Variants in PALB2 observed in about 807,000 individuals in gnomAD.
PALB2 encodes partner and localizer of BRCA2.
PALB2 carries 82 observed loss-of-function variants against 107.4 expected under a neutral mutation model. The observed-to-expected ratio is 0.76, with a 90% CI of 0.64 to 0.92. The LOEUF is 0.92. PALB2 is among the 40% of genes least tolerant of loss of function. The probability of loss-of-function intolerance (pLI) is 0.00; values close to 1 mark genes in which losing one functional copy is unlikely to be tolerated. For synonymous variants in PALB2, 489 were observed against 496.8 expected (o/e 0.98, Z 0.21); for missense variants, 1,374 against 1,379.9 (o/e 1.00, Z 0.07).
chr16:23,629,824 T>G lies in PALB2; in HGVS notation c.2330A>C (p.Asp777Ala), dbSNP rs2142375450. ...TGGTTTTGCTGGGCTGCCTGAACTGTCGAATTGTTTAGTATCACTGGCAAG... is the reference window on the plus strand; with the variant it reads ...TGGTTTTGCTGGGCTGCCTGAACTGGCGAATTGTTTAGTATCACTGGCAAG... ...VCLASDTKQF[D>A]SSGSPAKPHT... Residue 777 changes from aspartate (D) to alanine (A), a missense_variant, in exon 5 of 13, where the codon GAC becomes GCC. Transcript: ENST00000261584. 1 of 1,614,178 alleles carries G rather than the reference T, an allele frequency of 6.2e-7. No homozygotes were observed. The highest frequency in any genetic ancestry group is 1.7e-5 in the Admixed American group (1 of 60,016).
rs1967243145 is a variant in PALB2, at chr16:23,641,260, G to A, written c.-103C>T. ...CCGGGGAGGCGCCCCAGGAAGGAATGGGGAGCCCGGGATCGCACCCTCAGT... is the reference window on the plus strand; with the variant it reads ...CCGGGGAGGCGCCCCAGGAAGGAATAGGGAGCCCGGGATCGCACCCTCAGT... On this transcript the variant is annotated 5_prime_UTR_variant, in exon 1 of 13. Transcript: ENST00000261584. 2.1e-6 allele frequency: 3 copies of A among 1,449,838 alleles called. No individual in the cohort carries two copies. The highest frequency in any genetic ancestry group is 4.0e-5 in the Admixed American group (2 of 50,624). The allele number at this position is 1,449,838 out of a possible 1,614,324, so 89.8% of individuals were successfully genotyped here.
rs1555460637 is a variant in PALB2 at position 23,630,343 on chromosome 16, A to G, written c.1811T>C (p.Leu604Pro). The G allele has an allele frequency of 6.2e-7, 1 of 1,614,206 alleles. No individual in the cohort carries two copies. The highest frequency in any genetic ancestry group is 1.1e-5 in the South Asian group (1 of 91,068). Residue 604 changes from leucine (L) to proline (P), a missense_variant, in exon 5 of 13, where the codon CTG (leucine) becomes CCG (proline). By Grantham distance (98) the Leu-to-Pro change is moderately conservative. Coordinates refer to ENST00000261584, the MANE Select transcript of PALB2 (RefSeq NM_024675.4). ...AAAGTCTGTGATACTGAGAAAAGAC[A>G]GTAGTTGCTTTAAACTCAGCATTCC... ...RDGMLSLKQLLSFLSITDFQL... is the reference protein window; with the variant it reads ...RDGMLSLKQLPSFLSITDFQL...
rs45476495 is a variant in PALB2, at chr16:23,626,310, C to T, written c.2674G>A (p.Glu892Lys). The change falls in exon 7 of 13, where the codon GAA becomes AAA. Residue 892 changes from glutamate to lysine, a missense_variant. Glu to Lys is a moderately conservative substitution (Grantham distance 56). Coordinates refer to ENST00000261584, the MANE Select transcript of PALB2 (RefSeq NM_024675.4). ...GCTTTCCAAAGAGAAACTACATCTTCGCAAGCAGTTATGATACATGGCTCT... is the reference window on the plus strand; with the variant it reads ...GCTTTCCAAAGAGAAACTACATCTTTGCAAGCAGTTATGATACATGGCTCT... ...CKEPCIITAC[E>K]DVVSLWKALD... 203 of 1,614,160 alleles carry T rather than the reference C, an allele frequency of 1.3e-4. No homozygotes were observed. Among genetic ancestry groups the T allele is most frequent in the Non-Finnish European group, 1.7e-4 (195 of 1,180,022 alleles).
intron 6 of PALB2, among the ~76,000 whole-genome samples, chr16:23,626,653 A>G (rs1323630461): frequency 6.6e-6 from 1 of 151,924 alleles, no homozygotes; most frequent in East Asian, 1.9e-4. Flanking sequence ...ACTGAGTCTC[A>G]CTTTATCACC....
At chr16:23,636,403 A>T in intron 3 of PALB2, 69 bp from the exon 4 acceptor site, 1 of 1,023,360 alleles carries the variant, frequency 9.8e-7, no homozygotes, top group Non-Finnish European at 1.4e-6. Context: ...ACTCATTTTT[A>T]ACCTATTATA....
chr16:23,641,249 C>T lies in PALB2; in HGVS notation c.-92G>A. The T allele has an allele frequency of 6.6e-7, 1 of 1,518,956 alleles. No individual in the cohort carries two copies. Among genetic ancestry groups the T allele is most frequent in the Non-Finnish European group, 9.0e-7 (1 of 1,114,574 alleles). 94.1% of individuals were successfully genotyped at this position (1,518,956 alleles called of 1,614,324 possible). On this transcript the variant is annotated 5_prime_UTR_variant, in exon 1 of 13. Coordinates refer to ENST00000261584, the MANE Select transcript of PALB2 (RefSeq NM_024675.4). ...TTGGCCCTGGGCCGGGGAGGCGCCC[C>T]AGGAAGGAATGGGGAGCCCGGGATC...
At chr16:23,610,313 T>C (rs1645879) in intron 11 of PALB2, among the ~76,000 whole-genome samples, 1 of 149,326 alleles carries the variant, frequency 6.7e-6, no homozygotes, top group Non-Finnish European at 1.5e-5. Context: ...TTATTTCTTT[T>C]TTTTTTTTTT....
chr16:23,609,699 A>G (rs1966548898), intron 11 of PALB2, among the ~76,000 whole-genome samples: 1 of 151,746 alleles, frequency 6.6e-6, no homozygotes, highest in African/African-American at 2.4e-5. Context: ...TTGTACTTTT[A>G]GTAGAGCGGG....
At chr16:23,619,894 C>T (rs1966743793) in intron 10 of PALB2, among the ~76,000 whole-genome samples, 1 of 152,088 alleles carries the variant, frequency 6.6e-6, no homozygotes, top group South Asian at 2.1e-4. Flanking sequence ...ATTCTCCTAC[C>T]TCAGCCTCCT....
intron 10 of PALB2, among the ~76,000 whole-genome samples, chr16:23,619,562 A>AT (rs1966738216): frequency 6.6e-6 from 1 of 151,750 alleles, no homozygotes; most frequent in African/African-American, 2.4e-5. Flanking sequence ...CGCCACACTT[A>AT]TTTTTTGTAT....
At chr16:23,604,947 G>A (rs1966440379) in intron 12 of PALB2, among the ~76,000 whole-genome samples, 2 of 152,094 alleles carry the variant, frequency 1.3e-5, no homozygotes, top group East Asian at 1.9e-4. Context: ...GGTGGCACGT[G>A]CCTGTAATCC....
intron 11 of PALB2, among the ~76,000 whole-genome samples, chr16:23,609,435 A>T (rs1966543499): frequency 6.6e-6 from 1 of 152,214 alleles, no homozygotes; most frequent in Admixed American, 6.5e-5. Context: ...TAAAAGGGAA[A>T]AAAACTGAGG....
Position 23,641,158 on chromosome 16 carries a change from C to G in PALB2, c.-1G>C, listed in dbSNP as rs1341292125. 2 of 1,612,686 alleles carry G rather than the reference C, an allele frequency of 1.2e-6. No individual in the cohort carries two copies. Among genetic ancestry groups the G allele is most frequent in the African/African-American group, 1.3e-5 (1 of 75,002 alleles). On this transcript the variant is annotated 5_prime_UTR_variant, in exon 1 of 13. Transcript: ENST00000261584. ...GGGGCTTCCCGGGAGGCTCGTCCAT[C>G]GGGCAGGCGACAGAACGAAAAGAGC...
chr16:23,635,536 A>T lies in PALB2; in HGVS notation c.1010T>A (p.Leu337Ter), dbSNP rs45494092. The change falls in exon 4 of 13, where the codon TTA (leucine) becomes TAA (stop). Residue 337 changes from leucine to a stop codon, truncating the protein, a stop_gained. Coordinates refer to ENST00000261584, the MANE Select transcript of PALB2 (RefSeq NM_024675.4). LOFTEE classifies it high-confidence loss of function. ...TAAGTTTTGGTTTTCATTTGCTGGT[A>T]AGTTATTGTAGGTGAGTTCATTTAG... Reference protein sequence around the residue: ...CSLNELTYNNLPANENQNLKE... With the variant: ...CSLNELTYNN 1 of 1,613,486 alleles carries T rather than the reference A, an allele frequency of 6.2e-7. No individual in the cohort carries two copies.
Position 23,635,507 on chromosome 16 carries a change from C to T in PALB2, c.1039G>A (p.Glu347Lys), listed in dbSNP as rs1060499812. 1.9e-6 allele frequency: 3 copies of T among 1,613,778 alleles called. No individual in the cohort carries two copies. The highest frequency in any genetic ancestry group is 2.5e-6 in the Non-Finnish European group (3 of 1,179,886). The change falls in exon 4 of 13, where the codon GAA becomes AAA. Residue 347 changes from glutamate to lysine, a missense_variant. Glu to Lys is a moderately conservative substitution (Grantham distance 56). Transcript: ENST00000261584. The stretch of plus-strand genomic sequence containing the variant: ...AAAGATTTCTCTGTTTGATTTTGTT[C>T]TTTTAAGTTTTGGTTTTCATTTGCT... ...LPANENQNLKEQNQTEKSLKS... is the reference protein window; with the variant it reads ...LPANENQNLKKQNQTEKSLKS...
At chr16:23,611,293 G>A (rs1966582821) in intron 11 of PALB2, among the ~76,000 whole-genome samples, 1 of 151,888 alleles carries the variant, frequency 6.6e-6, no homozygotes. Flanking sequence ...ATAAGCACCT[G>A]CCACCATGCC....
chr16:23,621,551 T>C, intron 9 of PALB2, 73 bp from the exon 10 acceptor site: 2 of 895,568 alleles, frequency 2.2e-6, no homozygotes, highest in East Asian at 2.4e-5. Context: ...CTCCGCATTG[T>C]TGAACTGCAT....
chr16:23,629,565 G>T, intron 5 of PALB2, 75 bp downstream of exon 5: 1 of 1,426,866 alleles, frequency 7.0e-7, no homozygotes, highest in Non-Finnish European at 9.8e-7. Context: ...CAATGCGCAA[G>T]CAAGTCATGC....
At chr16:23,634,814 T>A (rs774211412) in intron 4 of PALB2, 48 bp downstream of exon 4, 2 of 1,576,016 alleles carry the variant, frequency 1.3e-6, no homozygotes, top group African/African-American at 2.7e-5. Flanking sequence ...ATAGTAATTG[T>A]TAACTTTCAT....
Sources: allele counts gnomAD v4.1 joint callset (sites outside exome capture counted in the v4.1 genomes callset), GRCh38; gene constraint gnomAD v4.1.1; transcripts MANE v1.5; gene names NCBI Gene and HGNC (gene_info 2026-07-23, HGNC 2026-07-21).